The following OSBPL10 variants were observed in gnomAD, a reference collection of about 807,000 sequenced individuals.
OSBPL10 encodes the protein oxysterol binding protein like 10.
Under a neutral mutation model 81.7 loss-of-function variants are expected in OSBPL10, and 49 were observed. The observed-to-expected ratio is 0.60, with a 90% CI of 0.48 to 0.76. OSBPL10 has a LOEUF of 0.76. OSBPL10 is among the 30% of genes least tolerant of loss of function. The pLI is 0.00. For missense variants in OSBPL10, 923 were observed against 987.8 expected, an observed-to-expected ratio of 0.93 and a Z score of 0.88; for synonymous variants, 419 against 383.6, an observed-to-expected ratio of 1.09 and a Z score of -1.08.
intron 2 of OSBPL10, among the ~76,000 whole-genome samples, chr3:32,009,550 A>T (rs1441636875): frequency 6.6e-6 from 1 of 152,228 alleles, no homozygotes; most frequent in East Asian, 1.9e-4. Flanking sequence ...GCTGAATCTA[A>T]TCTTCTCAAG....
chr3:31,874,471 A>C (rs1185157232), intron 3 of OSBPL10, among the ~76,000 whole-genome samples: 1 of 152,190 alleles, frequency 6.6e-6, no homozygotes, highest in African/African-American at 2.4e-5. Flanking sequence ...AACAGTACAA[A>C]TGACAGGCCA....
At chr3:31,864,478 G>A (rs1356806826) in intron 3 of OSBPL10, among the ~76,000 whole-genome samples, 1 of 152,090 alleles carries the variant, frequency 6.6e-6, no homozygotes, top group Non-Finnish European at 1.5e-5. Flanking sequence ...GACCTCACAT[G>A]ATCCACCTGC....
chr3:31,912,713 G>A (rs931218172), intron 1 of OSBPL10, among the ~76,000 whole-genome samples: 7 of 152,240 alleles, frequency 4.6e-5, no homozygotes, highest in Admixed American at 1.3e-4. Flanking sequence ...TAAAGCTGTC[G>A]TAGAGTGATA....
chr3:31,759,509 A>C (rs1200117249), intron 4 of OSBPL10, among the ~76,000 whole-genome samples: 1 of 152,192 alleles, frequency 6.6e-6, no homozygotes, highest in African/African-American at 2.4e-5. Context: ...AAATACTCAT[A>C]ATATATCCAA....
In OSBPL10 at chr3:31,798,881, G is replaced by A. The variant is rs566156239; in HGVS notation, c.729+31159C>T. The stretch of plus-strand genomic sequence containing the variant: ...TTTTGGCACCAGTGACCAGTTTTGT[G>A]GAAGACAATTAAGGAGCATGCAACC... On this transcript the variant is annotated intron_variant, in intron 4 of 11. Transcript: ENST00000396556. Among the ~76,000 whole-genome samples, 3 of 152,296 alleles carry A rather than the reference G, an allele frequency of 2.0e-5. No individual in the cohort carries two copies. In the South Asian group the frequency reaches 6.2e-4, roughly 32 times the overall value.
At chr3:32,028,927 GACACACACACACACACACACACAC>G (rs58442955) in intron 2 of OSBPL10, among the ~76,000 whole-genome samples, 4 of 105,634 alleles carry the variant, frequency 3.8e-5, no homozygotes, top group African/African-American at 1.1e-4. Context: ...AGCTAGTCAG[GACACACACACACACACACACACAC>G]ACACACACAC....
chr3:31,993,618 G>T (rs1253545250), intron 2 of OSBPL10, among the ~76,000 whole-genome samples: 1 of 151,612 alleles, frequency 6.6e-6, no homozygotes, highest in Non-Finnish European at 1.5e-5. Flanking sequence ...TAGTCATTAG[G>T]GAAATACAAG....
At chr3:31,847,198 T>C (rs1700654668) in intron 3 of OSBPL10, among the ~76,000 whole-genome samples, 2 of 78,418 alleles carry the variant, frequency 2.6e-5, no homozygotes, top group African/African-American at 8.1e-5. Context: ...CCATTCCTTT[T>C]TTTTTTTTTT....
chr3:31,798,450 A>G (rs956697094), intron 4 of OSBPL10, among the ~76,000 whole-genome samples: 1 of 152,084 alleles, frequency 6.6e-6, no homozygotes, highest in Non-Finnish European at 1.5e-5. Flanking sequence ...AGAAAACCAA[A>G]ATGCATGTGG....
chr3:31,967,145 C>G (rs1198712471), intron 1 of OSBPL10, among the ~76,000 whole-genome samples: 2 of 151,882 alleles, frequency 1.3e-5, no homozygotes, highest in African/African-American at 4.8e-5. Flanking sequence ...CACATCAAAA[C>G]CAAGGTCAGG....
At chr3:31,935,626 C>A (rs369488517) in intron 1 of OSBPL10, among the ~76,000 whole-genome samples, 1 of 151,440 alleles carries the variant, frequency 6.6e-6, no homozygotes, top group African/African-American at 2.4e-5. Context: ...TGGGTTCAAG[C>A]GATTCTCCTG....
intron 6 of OSBPL10, among the ~76,000 whole-genome samples, chr3:31,709,830 G>T (rs1205591197): frequency 2.0e-5 from 3 of 152,182 alleles, no homozygotes; most frequent in Non-Finnish European, 4.4e-5. Context: ...CCTCCTAGGT[G>T]CCAAGCACTG....
At chr3:31,789,798 G>C (rs137941630) in intron 4 of OSBPL10, among the ~76,000 whole-genome samples, 2 of 152,246 alleles carry the variant, frequency 1.3e-5, no homozygotes, top group African/African-American at 4.8e-5. Context: ...TTGGGGTTAG[G>C]GATCATGAGG....
chr3:31,966,153 A>ATGTGTGTGTG (rs59737552), intron 1 of OSBPL10, among the ~76,000 whole-genome samples: 6 of 134,842 alleles, frequency 4.4e-5, no homozygotes, highest in South Asian at 2.3e-4. Flanking sequence ...CAACAAAATT[A>ATGTGTGTGTG]TGTGTGTGTG....
intron 2 of OSBPL10, chr3:32,037,553 C>T: frequency 4.4e-6 from 1 of 227,126 alleles, no homozygotes; most frequent in South Asian, 6.7e-5. Context: ...TCTTGTGAGG[C>T]TGTGAAACCA....
intron 2 of OSBPL10, chr3:31,990,053 G>C: frequency 6.2e-7 from 1 of 1,613,878 alleles, no homozygotes. Context: ...GTTTTTAGTC[G>C]CAAATCAAAT....
At chr3:31,850,263 G>C (rs1324811328) in intron 3 of OSBPL10, among the ~76,000 whole-genome samples, 1 of 152,158 alleles carries the variant, frequency 6.6e-6, no homozygotes, top group African/African-American at 2.4e-5. Flanking sequence ...AAGCCCAGGA[G>C]TTTGAGGCTG....
At chr3:31,784,878 TG>T (rs1236523307) in intron 4 of OSBPL10, among the ~76,000 whole-genome samples, 1 of 9,854 alleles carries the variant, frequency 1.0e-4, no homozygotes, top group Non-Finnish European at 3.2e-4. Context: ...ATAACTTTTT[TG>T]GGGGGGCGGG....
At chr3:32,020,007 T>G (rs1429334955) in intron 2 of OSBPL10, among the ~76,000 whole-genome samples, 2 of 152,192 alleles carry the variant, frequency 1.3e-5, no homozygotes. Flanking sequence ...CCACTCACAG[T>G]GCTCTGTAGA....
Sources: gnomAD v4.1 joint callset for allele counts (sites outside exome capture counted in the v4.1 genomes callset) on GRCh38, gnomAD v4.1.1 for gene constraint, MANE v1.5 for transcripts, NCBI Gene and HGNC (gene_info 2026-07-23, HGNC 2026-07-21) for gene names.